Variants in CA12 observed in about 807,000 individuals in gnomAD.
CA12 encodes carbonic anhydrase 12.
In CA12, 36 loss-of-function variants were observed where a neutral mutation model predicts 46.8. That is an observed-to-expected ratio of 0.77 (90% confidence interval 0.59 to 1.02). The LOEUF is 1.02. Among genes scored for constraint, CA12 ranks in the 50% least tolerant of loss-of-function variants. The probability of loss-of-function intolerance (pLI) is 0.00; values close to 1 mark genes in which losing one functional copy is unlikely to be tolerated. For missense variants in CA12, 436 were observed against 451.4 expected (o/e 0.97, Z 0.31); for synonymous variants, 202 against 187.0 (o/e 1.08, Z -0.65).
rs932472259 is a variant in CA12, at chr15:63,321,679, C to A, written c.*4606G>T. Reference sequence around the variant, plus strand: ...AGCGAGGCTGCAACTGCTCCAGATACCCAGCAGGAAGGCCACGTGACAACG... The same window carrying A: ...AGCGAGGCTGCAACTGCTCCAGATAACCAGCAGGAAGGCCACGTGACAACG... On this transcript the variant is annotated 3_prime_UTR_variant, in exon 11 of 11. Coordinates refer to ENST00000178638, the MANE Select transcript of CA12 (RefSeq NM_001218.5). The surrounding 1 kb of genome is among the most constrained non-coding windows in gnomAD (Gnocchi z 4.5). 1 of 152,246 alleles carries A rather than the reference C, an allele frequency of 6.6e-6. No individual in the cohort carries two copies. The highest frequency in any genetic ancestry group is 6.5e-5 in the Admixed American group (1 of 15,280). 9.4% of individuals were successfully genotyped at this position (152,246 alleles called of 1,614,324 possible).
intron 2 of CA12, among the ~76,000 whole-genome samples, chr15:63,354,473 C>T (rs540615641): frequency 1.3e-5 from 2 of 152,282 alleles, no homozygotes; most frequent in African/African-American, 4.8e-5. Context: ...GTAAATCCCC[C>T]CAAATCTCCC....
chr15:63,381,011 CTGTG>C (rs66492957), intron 1 of CA12, among the ~76,000 whole-genome samples: 7,424 of 147,574 alleles, frequency 0.05, 201 homozygotes, highest in Middle Eastern at 0.12. Flanking sequence ...CAGAAATATG[CTGTG>C]TGTGTGTGTG....
intron 2 of CA12, among the ~76,000 whole-genome samples, chr15:63,359,554 T>C (rs1445619153): frequency 6.6e-6 from 1 of 152,016 alleles, no homozygotes; most frequent in Admixed American, 6.6e-5. Context: ...TATATACACA[T>C]GCAACCTCAC....
At chr15:63,380,891 C>A (rs2039635724) in intron 1 of CA12, among the ~76,000 whole-genome samples, 1 of 152,220 alleles carries the variant, frequency 6.6e-6, no homozygotes, top group South Asian at 2.1e-4. Context: ...ACTGGCCCGG[C>A]GTGAGCCCAC....
chr15:63,362,225 G>A (rs2039372483), intron 2 of CA12, among the ~76,000 whole-genome samples: 1 of 152,224 alleles, frequency 6.6e-6, no homozygotes, highest in African/African-American at 2.4e-5. Context: ...TTTGTCAACT[G>A]CCATTCTGTA....
At chr15:63,352,277 A>C (rs560595495) in intron 2 of CA12, among the ~76,000 whole-genome samples, 2 of 152,208 alleles carry the variant, frequency 1.3e-5, no homozygotes, top group Non-Finnish European at 2.9e-5. Flanking sequence ...GGCTGGTCTC[A>C]GACTCCTGAC....
In CA12 at chr15:63,345,550, T is replaced by C. The variant is rs1484198443; in HGVS notation, c.356A>G (p.His119Arg). ...LQSRYSATQL[H>R]LHWGNPNDPH... is the part of the protein sequence containing the mutation. Reference sequence around the variant, plus strand: ...GTCATTCGGGTTCCCCCAGTGCAGGTGCAGCTGCGTGGCACTGTAGCGAGA... The same window carrying C: ...GTCATTCGGGTTCCCCCAGTGCAGGCGCAGCTGCGTGGCACTGTAGCGAGA... The change falls in exon 4 of 11, where the codon CAC (histidine) becomes CGC (arginine). Residue 119 changes from histidine to arginine, a missense_variant. By Grantham distance (29) the His-to-Arg change is conservative. Coordinates refer to ENST00000178638, the MANE Select transcript of CA12 (RefSeq NM_001218.5). This position sits in a 1 kb window ranked among gnomAD's most constrained non-coding sequence, Gnocchi z 4.3. 6.2e-7 allele frequency: 1 copy of C among 1,613,270 alleles called. No homozygotes were observed. Among genetic ancestry groups the C allele is most frequent in the Non-Finnish European group, 8.5e-7 (1 of 1,180,008 alleles).
chr15:63,350,097 G>A (rs1308168403), intron 2 of CA12, among the ~76,000 whole-genome samples: 2 of 152,176 alleles, frequency 1.3e-5, no homozygotes. Flanking sequence ...GCCTGCCAAG[G>A]AAGTTCATAG....
At position 63,374,430 on chromosome 15, in the gene CA12, C is replaced by T. The variant is rs550349679; in HGVS notation, c.106+1228G>A. Among the ~76,000 whole-genome samples the T allele has an allele frequency of 6.6e-6, 1 of 152,200 alleles. No individual in the cohort carries two copies. Among genetic ancestry groups the T allele is most frequent in the Non-Finnish European group, 1.5e-5 (1 of 68,030 alleles). Reference sequence around the variant, plus strand: ...CCTTTGAGCACTCAGATCTCTGAAGCATTTGTTTATGATGTTATTATTACC... The same window carrying T: ...CCTTTGAGCACTCAGATCTCTGAAGTATTTGTTTATGATGTTATTATTACC... On this transcript the variant is annotated intron_variant, in intron 2 of 10. Transcript: ENST00000178638. The surrounding 1 kb of genome is among the most constrained non-coding windows in gnomAD (Gnocchi z 4.4).
chr15:63,342,612 C>G (rs1357430803), intron 4 of CA12, among the ~76,000 whole-genome samples: 3 of 152,096 alleles, frequency 2.0e-5, no homozygotes, highest in Non-Finnish European at 2.9e-5. Context: ...TTCCTAAATT[C>G]CAAAAGGGAG....
In CA12 at chr15:63,355,747, C is replaced by G. The variant is rs528068363; in HGVS notation, c.107-9038G>C. 4.5e-5 allele frequency among the ~76,000 whole-genome samples: 6 copies of G among 134,590 alleles called. No homozygotes were observed. In the East Asian group the frequency reaches 7.7e-4, roughly 17 times the overall value. The allele number at this position is 134,590 out of a possible 152,430, so 88.3% of individuals were successfully genotyped here. On this transcript the variant is annotated intron_variant, in intron 2 of 10. Coordinates refer to ENST00000178638, the MANE Select transcript of CA12 (RefSeq NM_001218.5). The surrounding 1 kb of genome is among the most constrained non-coding windows in gnomAD (Gnocchi z 4.1). ...TCATGAAAACTAGCCAGGCCTGAGC[C>G]CCCCATCAGTGCTCACCACATGTTA...
At chr15:63,361,451 A>G (rs577816345) in intron 2 of CA12, among the ~76,000 whole-genome samples, 69 of 152,214 alleles carry the variant, frequency 4.5e-4, no homozygotes, top group African/African-American at 1.6e-3. Context: ...AGACATTTTC[A>G]GCTGTCACAA....
chr15:63,349,139 G>A (rs1356038927), intron 2 of CA12, among the ~76,000 whole-genome samples: 2 of 152,102 alleles, frequency 1.3e-5, no homozygotes, highest in African/African-American at 2.4e-5. Flanking sequence ...ATTGCCCTTC[G>A]TGCAAATGGT....
intron 2 of CA12, among the ~76,000 whole-genome samples, chr15:63,366,100 C>T (rs2039432074): frequency 6.6e-6 from 1 of 150,624 alleles, no homozygotes; most frequent in South Asian, 2.1e-4. Flanking sequence ...GAGATTGCAC[C>T]CCTGCACTCC....
At position 63,327,584 on chromosome 15, in the gene CA12, ATACT is replaced by A. The variant is rs1185402938; in HGVS notation, c.908-355_908-352del. Among the ~76,000 whole-genome samples, 13 of 151,980 alleles carry A rather than the reference ATACT, an allele frequency of 8.6e-5. No homozygotes were observed. Among genetic ancestry groups the A allele is most frequent in the Non-Finnish European group, 1.8e-4 (12 of 67,996 alleles). On this transcript the variant is annotated intron_variant, in intron 9 of 10. Coordinates refer to ENST00000178638, the MANE Select transcript of CA12 (RefSeq NM_001218.5). This position sits in a 1 kb window ranked among gnomAD's most constrained non-coding sequence, Gnocchi z 4.5. The stretch of plus-strand genomic sequence containing the variant: ...GGCCCGGGAATCTGCATTTTGCCAA[ATACT>A]TACAGCTGATACTGATGCACGTGGT...
intron 4 of CA12, among the ~76,000 whole-genome samples, chr15:63,344,116 C>T (rs1273234908): frequency 6.6e-6 from 1 of 152,182 alleles, no homozygotes; most frequent in Non-Finnish European, 1.5e-5. Context: ...TTCCTCTGCC[C>T]ATGTCTGTTT....
At chr15:63,366,561 G>A (rs1023006374) in intron 2 of CA12, among the ~76,000 whole-genome samples, 3 of 152,134 alleles carry the variant, frequency 2.0e-5, no homozygotes, top group Non-Finnish European at 4.4e-5. Context: ...ATACTTATCC[G>A]TTTCTTTAGT....
In CA12 at chr15:63,342,054, C is replaced by G; in HGVS notation, c.473G>C (p.Ser158Thr). Residue 158 changes from serine to threonine, a missense_variant, in exon 5 of 11, where the codon AGC becomes ACC. By Grantham distance (58) the Ser-to-Thr change is moderately conservative. Transcript: ENST00000178638. Reference protein sequence around the residue: ...HYNSDLYPDASTASNKSEGLA... With the variant: ...HYNSDLYPDATTASNKSEGLA... ...GCCTTCTGACTTGTTGCTGGCAGTG[C>G]TGGCGTCAGGATAAAGGTCTGAGTT... 6.2e-7 allele frequency: 1 copy of G among 1,614,000 alleles called. No homozygotes were observed. Among genetic ancestry groups the G allele is most frequent in the Non-Finnish European group, 8.5e-7 (1 of 1,179,904 alleles).
intron 2 of CA12, among the ~76,000 whole-genome samples, chr15:63,357,873 C>T (rs1369823973): frequency 6.6e-6 from 1 of 152,164 alleles, no homozygotes; most frequent in Non-Finnish European, 1.5e-5. Flanking sequence ...CTCTCTGCCT[C>T]CATGGATTTG....
Sources: gnomAD v4.1 joint callset for allele counts (sites outside exome capture counted in the v4.1 genomes callset) on GRCh38, gnomAD v4.1.1 for gene constraint, Gnocchi (gnomAD v3.1) non-coding constraint, MANE v1.5 for transcripts, NCBI Gene and HGNC (gene_info 2026-07-23, HGNC 2026-07-21) for gene names.